Variants in STXBP4 observed in about 807,000 individuals in gnomAD.
STXBP4 encodes the protein syntaxin-binding protein 4.
STXBP4 carries 55 observed loss-of-function variants against 76.1 expected under a neutral mutation model. The ratio of observed to expected loss-of-function variants is 0.72; its 90% CI spans 0.58 to 0.91. STXBP4 has a LOEUF of 0.91. STXBP4 is among the 40% of genes least tolerant of loss of function. The pLI is 0.00. For missense variants in STXBP4, 618 were observed against 636.9 expected, an observed-to-expected ratio of 0.97 and a Z score of 0.32; for synonymous variants, 201 against 220.2, an observed-to-expected ratio of 0.91 and a Z score of 0.77.
At chr17:55,056,598 T>C (rs2078925527) in intron 12 of STXBP4, among the ~76,000 whole-genome samples, 1 of 152,154 alleles carries the variant, frequency 6.6e-6, no homozygotes, top group African/African-American at 2.4e-5. Flanking sequence ...TCTTGTCAGC[T>C]CAGTATTATT....
chr17:55,064,772 G>A (rs987360422), intron 12 of STXBP4, among the ~76,000 whole-genome samples: 2 of 152,070 alleles, frequency 1.3e-5, no homozygotes, highest in Non-Finnish European at 2.9e-5. Flanking sequence ...CCAAAGTGCC[G>A]GGATTACAGT....
intron 16 of STXBP4, among the ~76,000 whole-genome samples, chr17:55,129,414 T>G (rs1439157395): frequency 6.6e-6 from 1 of 151,664 alleles, no homozygotes; most frequent in Admixed American, 6.6e-5. Flanking sequence ...TATAATCCCA[T>G]GACAAAAAAA....
chr17:55,211,801 T>TGTG, the STXBP4 span, among the ~76,000 whole-genome samples: 1 of 100,066 alleles, frequency 1.0e-5, no homozygotes, highest in Non-Finnish European at 1.9e-5. Flanking sequence ...TTTTTGTTGT[T>TGTG]TTTTTTTTTT....
At chr17:55,125,500 A>AAT (rs1459281293) in intron 16 of STXBP4, among the ~76,000 whole-genome samples, 4 of 149,282 alleles carry the variant, frequency 2.7e-5, no homozygotes, top group African/African-American at 1.0e-4. Flanking sequence ...AAAAAAAAAA[A>AAT]TACAATTGAA....
chr17:55,030,539 G>T (rs747374898), intron 8 of STXBP4, among the ~76,000 whole-genome samples: 1 of 152,108 alleles, frequency 6.6e-6, no homozygotes, highest in Non-Finnish European at 1.5e-5. Flanking sequence ...AATTGTGGTT[G>T]GTTCGGTTAC....
At chr17:55,139,188 TAATC>T (rs1384445174) in intron 16 of STXBP4, among the ~76,000 whole-genome samples, 4 of 152,116 alleles carry the variant, frequency 2.6e-5, no homozygotes, top group Non-Finnish European at 5.9e-5. Context: ...TGTAAGGAAA[TAATC>T]AAGGCAGAAA....
chr17:55,094,623 C>T (rs147577380), intron 16 of STXBP4, among the ~76,000 whole-genome samples: 2 of 152,108 alleles, frequency 1.3e-5, no homozygotes, highest in African/African-American at 2.4e-5. Flanking sequence ...AAAAAAAGTC[C>T]GGTAGCACAG....
chr17:55,081,694 C>G (rs2079257240), intron 16 of STXBP4, among the ~76,000 whole-genome samples: 1 of 152,116 alleles, frequency 6.6e-6, no homozygotes, highest in East Asian at 1.9e-4. Flanking sequence ...AATTAAATGG[C>G]TTGGAATAGC....
chr17:55,132,577 A>G lies in STXBP4; in HGVS notation c.1490-8733A>G, dbSNP rs17710626. Among the ~76,000 whole-genome samples the G allele has an allele frequency of 9.4e-3, 1,427 of 152,342 alleles. 13 individuals carry two copies. The highest frequency in any genetic ancestry group is 0.016 in the Non-Finnish European group (1,069 of 68,030). ...ATCCTATTGAATAGTAGGTATTTGT[A>G]TAAATATAGATACTTGGTAAACATT... On this transcript the variant is annotated intron_variant, in intron 16 of 17. Transcript: ENST00000376352.
At chr17:55,047,015 A>T in intron 11 of STXBP4, 74 bp from the exon 12 acceptor site, 1 of 829,872 alleles carries the variant, frequency 1.2e-6, no homozygotes, top group Non-Finnish European at 2.0e-6. Flanking sequence ...ATAGGCCTTG[A>T]AACAAGGGAC....
intron 8 of STXBP4, among the ~76,000 whole-genome samples, chr17:55,026,189 C>A (rs77687278): frequency 6.6e-6 from 1 of 152,138 alleles, no homozygotes; most frequent in Non-Finnish European, 1.5e-5. Flanking sequence ...ATACTCCCCA[C>A]GTCGGTATAC....
At chr17:55,154,239 C>G (rs1362284615) in intron 17 of STXBP4, among the ~76,000 whole-genome samples, 1 of 152,122 alleles carries the variant, frequency 6.6e-6, no homozygotes, top group Non-Finnish European at 1.5e-5. Flanking sequence ...CTTAAAAACC[C>G]TGACCCACAA....
chr17:55,085,076 G>T (rs1459929473), intron 16 of STXBP4, among the ~76,000 whole-genome samples: 1 of 152,252 alleles, frequency 6.6e-6, no homozygotes, highest in East Asian at 1.9e-4. Flanking sequence ...GATGAAATTG[G>T]AAATCATCAT....
intron 16 of STXBP4, among the ~76,000 whole-genome samples, chr17:55,096,035 G>A (rs1254096955): frequency 6.6e-6 from 1 of 152,098 alleles, no homozygotes; most frequent in Non-Finnish European, 1.5e-5. Flanking sequence ...CTGAGTATTC[G>A]CTTCCTGTCT....
At chr17:55,040,039 C>G (rs2078671488) in intron 10 of STXBP4, among the ~76,000 whole-genome samples, 1 of 151,998 alleles carries the variant, frequency 6.6e-6, no homozygotes, top group Non-Finnish European at 1.5e-5. Flanking sequence ...CTTTGGGGAA[C>G]CTCCCAAACC....
intron 16 of STXBP4, among the ~76,000 whole-genome samples, chr17:55,119,470 C>T (rs575503448): frequency 4.6e-5 from 7 of 152,040 alleles, no homozygotes; most frequent in Non-Finnish European, 7.4e-5. Context: ...TCTTAATTCT[C>T]AATCCACTTT....
chr17:54,976,664 A>AC (rs1296405578), intron 1 of STXBP4, among the ~76,000 whole-genome samples: 2 of 152,046 alleles, frequency 1.3e-5, no homozygotes, highest in African/African-American at 4.8e-5. Context: ...CCTGAGCTCT[A>AC]CCTCCTGTCA....
rs112473506 is a variant in STXBP4, at chr17:55,070,860, A to C, written c.1012-2040A>C. On this transcript the variant is annotated intron_variant, in intron 12 of 17. Coordinates refer to ENST00000376352, the MANE Select transcript of STXBP4 (RefSeq NM_178509.6). ...CTTTTTGTAACATCCTCTTTTCTTCATCCATTTATCTAAGTCATACCTGAT... is the reference window on the plus strand; with the variant it reads ...CTTTTTGTAACATCCTCTTTTCTTCCTCCATTTATCTAAGTCATACCTGAT... Among the ~76,000 whole-genome samples, 39 of 151,940 alleles carry C rather than the reference A, an allele frequency of 2.6e-4. 2 individuals are homozygous for C. The highest frequency in any genetic ancestry group is 8.9e-4 in the African/African-American group (37 of 41,432).
At chr17:55,011,262 T>C (rs2078104145) in intron 8 of STXBP4, among the ~76,000 whole-genome samples, 1 of 151,896 alleles carries the variant, frequency 6.6e-6, no homozygotes, top group East Asian at 1.9e-4. Flanking sequence ...AATTTCTTTA[T>C]ATTAAAATAT....
Sources: allele counts gnomAD v4.1 joint callset (sites outside exome capture counted in the v4.1 genomes callset), GRCh38; gene constraint gnomAD v4.1.1; transcripts MANE v1.5; gene names NCBI Gene and HGNC (gene_info 2026-07-23, HGNC 2026-07-21).